PANK3: variants seen among roughly 807,000 people sequenced by gnomAD.
The protein encoded by PANK3 is hPanK3.
Under a neutral mutation model 39.4 loss-of-function variants are expected in PANK3, and 20 were observed. The ratio of observed to expected loss-of-function variants is 0.51; its 90% CI spans 0.36 to 0.74. The LOEUF (loss-of-function observed/expected upper bound fraction) is 0.74. Among genes scored for constraint, PANK3 ranks in the 30% least tolerant of loss-of-function variants. The pLI is 0.00. For synonymous variants in PANK3, 140 were observed against 157.3 expected, an observed-to-expected ratio of 0.89 and a Z score of 0.82; for missense variants, 265 against 437.0, an observed-to-expected ratio of 0.61 and a Z score of 3.51.
rs1486832730 is a variant in PANK3 at position 168,551,396 on chromosome 5, A to G, written c.*6175T>C. On this transcript the variant is annotated 3_prime_UTR_variant, in exon 7 of 7. Coordinates refer to ENST00000239231, the MANE Select transcript of PANK3 (RefSeq NM_024594.4). ...AAACAGTTAAGTTAAATTCAAAATA[A>G]TGTACACTCATTTTCATTATCCTCT... 1.3e-5 allele frequency: 2 copies of G among 152,202 alleles called. No individual in the cohort carries two copies. The highest frequency in any genetic ancestry group is 2.9e-5 in the Non-Finnish European group (2 of 68,014). The allele number at this position is 152,202 out of a possible 1,614,324, so 9.4% of individuals were successfully genotyped here.
intron 1 of PANK3, among the ~76,000 whole-genome samples, chr5:168,572,357 T>C (rs1007470452): frequency 1.3e-5 from 2 of 152,086 alleles, no homozygotes; most frequent in African/African-American, 4.8e-5. Flanking sequence ...TGTGTGTGTG[T>C]GTGTGCAACA....
Position 168,552,940 on chromosome 5 carries a change from C to A in PANK3, c.*4631G>T. On this transcript the variant is annotated 3_prime_UTR_variant, in exon 7 of 7. Transcript: ENST00000239231. ...GGAAATGACAGTGGGTTGTTGGTAGCTGGGTACTCTAAAGAGCGCCAGTGT... is the reference window on the plus strand; with the variant it reads ...GGAAATGACAGTGGGTTGTTGGTAGATGGGTACTCTAAAGAGCGCCAGTGT... 1 of 214,696 alleles carries A rather than the reference C, an allele frequency of 4.7e-6. No homozygotes were observed. The highest frequency in any genetic ancestry group is 8.1e-5 in the South Asian group (1 of 12,396). 13.3% of individuals were successfully genotyped at this position (214,696 alleles called of 1,614,324 possible). A position where few individuals can be genotyped will look rare whatever the true frequency, so the allele number is the denominator to read the frequency against.
chr5:168,567,602 T>C (rs1270255984), intron 2 of PANK3, among the ~76,000 whole-genome samples: 2 of 152,116 alleles, frequency 1.3e-5, no homozygotes, highest in Non-Finnish European at 2.9e-5. Context: ...TGGGTCTCGC[T>C]TCTATGAGCC....
At position 168,549,932 on chromosome 5, in the gene PANK3, T is replaced by C. The variant is rs1759251458; in HGVS notation, c.*7639A>G. ...GCCTGGCTATTTTTTGTATTTTTAG[T>C]AGAGACATGGTTCTTCCCACATCTA... On this transcript the variant is annotated 3_prime_UTR_variant, in exon 7 of 7. Transcript: ENST00000239231. 1 of 152,150 alleles carries C rather than the reference T, an allele frequency of 6.6e-6. No individual in the cohort carries two copies. The highest frequency in any genetic ancestry group is 1.5e-5 in the Non-Finnish European group (1 of 68,042). 9.4% of individuals were successfully genotyped at this position (152,150 alleles called of 1,614,324 possible).
chr5:168,558,813 C>CA (rs1759395880), intron 6 of PANK3, among the ~76,000 whole-genome samples: 1 of 152,058 alleles, frequency 6.6e-6, no homozygotes, highest in African/African-American at 2.4e-5. Flanking sequence ...CCTGTCTCCA[C>CA]AAAAAATATT....
At chr5:168,572,271 G>A (rs1193458242) in intron 1 of PANK3, among the ~76,000 whole-genome samples, 1 of 151,914 alleles carries the variant, frequency 6.6e-6, no homozygotes, top group Non-Finnish European at 1.5e-5. Flanking sequence ...GCACTACCAC[G>A]ACCAACTAAT....
Position 168,579,348 on chromosome 5 carries a change from C to A in PANK3, c.-65G>T, listed in dbSNP as rs2113045674. 7.4e-7 allele frequency: 1 copy of A among 1,351,830 alleles called. No individual in the cohort carries two copies. The highest frequency in any genetic ancestry group is 1.9e-5 in the South Asian group (1 of 51,760). 83.7% of individuals were successfully genotyped at this position (1,351,830 alleles called of 1,614,324 possible). A position where few individuals can be genotyped will look rare whatever the true frequency, so the allele number is the denominator to read the frequency against. The stretch of plus-strand genomic sequence containing the variant: ...GGCACTGAGAGCAGAGGCGGCGACT[C>A]CGGAGGTGGCTGGGCCGCGCGGCGA... On this transcript the variant is annotated 5_prime_UTR_variant, in exon 1 of 7. Coordinates refer to ENST00000239231, the MANE Select transcript of PANK3 (RefSeq NM_024594.4).
rs557031894 is a variant in PANK3, at chr5:168,557,252, C to T, written c.*319G>A. 2 of 220,870 alleles carry T rather than the reference C, an allele frequency of 9.1e-6. No homozygotes were observed. The highest frequency in any genetic ancestry group is 5.3e-5 in the Admixed American group (1 of 18,758). The allele number at this position is 220,870 out of a possible 1,614,324, so 13.7% of individuals were successfully genotyped here. A position where few individuals can be genotyped will look rare whatever the true frequency, so the allele number is the denominator to read the frequency against. ...ATTATTTTCATAAGCTAAACAGTTC[C>T]GATACTTTAAGATTTGTGTTTGAGC... On this transcript the variant is annotated 3_prime_UTR_variant, in exon 7 of 7. Coordinates refer to ENST00000239231, the MANE Select transcript of PANK3 (RefSeq NM_024594.4).
chr5:168,551,772 GA>G lies in PANK3; in HGVS notation c.*5798del, dbSNP rs969951368. On this transcript the variant is annotated 3_prime_UTR_variant, in exon 7 of 7. Transcript: ENST00000239231. ...ATCACATGTACACTCAAAGGTAAAA[GA>G]AAAAAAACCTCAGAAATTTTTATAG... is the stretch of plus-strand genomic sequence containing the variant. The G allele has an allele frequency of 1.3e-5, 2 of 151,742 alleles. No homozygotes were observed. The highest frequency in any genetic ancestry group is 2.9e-5 in the Non-Finnish European group (2 of 67,916). 9.4% of individuals were successfully genotyped at this position (151,742 alleles called of 1,614,324 possible).
intron 2 of PANK3, among the ~76,000 whole-genome samples, chr5:168,567,818 C>A (rs1582465406): frequency 6.6e-6 from 1 of 152,282 alleles, no homozygotes; most frequent in East Asian, 1.9e-4. Context: ...CGGGGTCCCA[C>A]TATATTGCCC....
chr5:168,564,711 C>T (rs924696705), intron 3 of PANK3, among the ~76,000 whole-genome samples: 4 of 152,170 alleles, frequency 2.6e-5, no homozygotes, highest in Non-Finnish European at 5.9e-5. Context: ...GTTAGAATTA[C>T]AGGCATGAAC....
chr5:168,557,476 C>T lies in PANK3; in HGVS notation c.*95G>A, dbSNP rs1759366879. On this transcript the variant is annotated 3_prime_UTR_variant, in exon 7 of 7. Transcript: ENST00000239231. ...TCAGCAGCTTATGCTACTCTTTTAT[C>T]CTTTGGTTCCCAGTGACAAACAATG... The T allele has an allele frequency of 6.3e-6, 7 of 1,109,758 alleles. No homozygotes were observed. The Admixed American group carries it at 1.3e-4, about 21-fold the overall frequency. 68.7% of individuals were successfully genotyped at this position (1,109,758 alleles called of 1,614,324 possible). A position where few individuals can be genotyped will look rare whatever the true frequency, so the allele number is the denominator to read the frequency against.
intron 1 of PANK3, 151 bp from the exon 2 acceptor site, chr5:168,569,149 T>G: frequency 4.8e-6 from 1 of 210,034 alleles, no homozygotes; most frequent in Non-Finnish European, 8.9e-6. Context: ...AGACACATGT[T>G]CCATGTGGAA....
intron 4 of PANK3, 98 bp from the exon 5 acceptor site, chr5:168,561,614 A>G: frequency 9.3e-7 from 1 of 1,078,856 alleles, no homozygotes; most frequent in East Asian, 3.0e-5. Context: ...TTATAAAATT[A>G]GGACCAAAAA....
intron 1 of PANK3, among the ~76,000 whole-genome samples, chr5:168,572,110 CTTT>C (rs34970571): frequency 9.9e-6 from 1 of 101,292 alleles, no homozygotes. Flanking sequence ...CAACATAGGC[CTTT>C]TTTTTTTTTT....
In PANK3 at chr5:168,555,743, G is replaced by T. The variant is rs1759339765; in HGVS notation, c.*1828C>A. ...TACTGCACTGGACATCGAAGTTCTA[G>T]AACTCTCTCTTACAAATGAACACTA... On this transcript the variant is annotated 3_prime_UTR_variant, in exon 7 of 7. Coordinates refer to ENST00000239231, the MANE Select transcript of PANK3 (RefSeq NM_024594.4). 6.6e-6 allele frequency: 1 copy of T among 152,216 alleles called. No homozygotes were observed. Among genetic ancestry groups the T allele is most frequent in the African/African-American group, 2.4e-5 (1 of 41,452 alleles). 9.4% of individuals were successfully genotyped at this position (152,216 alleles called of 1,614,324 possible). A position where few individuals can be genotyped will look rare whatever the true frequency, so the allele number is the denominator to read the frequency against.
At position 168,579,260 on chromosome 5, in the gene PANK3, T is replaced by C; in HGVS notation, c.24A>G (p.Lys8=). MKIKDAK[K]PSFPWFGMDI... ...GGGCCCCAGCCCCCGTCTTACAGGG[T>C]TTCTTGGCATCTTTGATCTTCATGG... The change falls in exon 1 of 7, where the codon AAA becomes AAG. Residue 8 remains lysine (K), a synonymous_variant. Transcript: ENST00000239231. The C allele has an allele frequency of 1.3e-6, 2 of 1,499,550 alleles. No homozygotes were observed. Among genetic ancestry groups the C allele is most frequent in the African/African-American group, 1.5e-5 (1 of 68,886 alleles). 92.9% of individuals were successfully genotyped at this position (1,499,550 alleles called of 1,614,324 possible).
At chr5:168,569,173 C>T (rs1759586532) in intron 1 of PANK3, among the ~76,000 whole-genome samples, 175 bp from the exon 2 acceptor site, 1 of 147,444 alleles carries the variant, frequency 6.8e-6, no homozygotes, top group Non-Finnish European at 1.5e-5. Flanking sequence ...ACCTTTTTCC[C>T]TTCAAAGTTT....
intron 1 of PANK3, among the ~76,000 whole-genome samples, chr5:168,574,006 G>A (rs1156429382): frequency 6.6e-6 from 1 of 151,756 alleles, no homozygotes; most frequent in Non-Finnish European, 1.5e-5. Context: ...ATAGCAGCAT[G>A]ATTTATAGTC....
Sources: gnomAD v4.1 joint callset for allele counts (sites outside exome capture counted in the v4.1 genomes callset) on GRCh38, gnomAD v4.1.1 for gene constraint, MANE v1.5 for transcripts, NCBI Gene and HGNC (gene_info 2026-07-23, HGNC 2026-07-21) for gene names.